Variants in CWC27 observed in about 807,000 individuals in gnomAD.
The protein encoded by CWC27 is CWC27 spliceosome associated cyclophilin.
A neutral mutation model predicts 63.6 loss-of-function variants in CWC27; 47 were observed. The observed-to-expected ratio is 0.74, with a 90% CI of 0.58 to 0.94. The LOEUF (loss-of-function observed/expected upper bound fraction) is 0.94, where lower values mean the gene tolerates loss of function less well. CWC27 is among the 40% of genes least tolerant of loss of function. The pLI is 0.00. For missense variants in CWC27, 495 were observed against 554.3 expected (o/e 0.89, Z 1.07); for synonymous variants, 175 against 179.8 (o/e 0.97, Z 0.22).
At chr5:64,909,082 G>A (rs533990976) in intron 11 of CWC27, among the ~76,000 whole-genome samples, 1 of 152,242 alleles carries the variant, frequency 6.6e-6, no homozygotes, top group African/African-American at 2.4e-5. Flanking sequence ...AGGCCTGGTG[G>A]TGACAAAATC....
intron 10 of CWC27, among the ~76,000 whole-genome samples, chr5:64,857,188 A>C (rs1346133230): frequency 6.6e-6 from 1 of 152,158 alleles, no homozygotes; most frequent in Non-Finnish European, 1.5e-5. Context: ...TTCAGTATTC[A>C]ATTTATTCAT....
intron 7 of CWC27, 150 bp from the exon 8 acceptor site, chr5:64,800,098 A>G (rs1025403197): frequency 1.5e-4 from 71 of 473,734 alleles, no homozygotes; most frequent in Non-Finnish European, 2.5e-4. Flanking sequence ...ATTCTTACTT[A>G]TAAAACTTTA....
chr5:64,834,006 G>T (rs992218471), intron 10 of CWC27, among the ~76,000 whole-genome samples: 1 of 151,148 alleles, frequency 6.6e-6, no homozygotes, highest in African/African-American at 2.4e-5. Context: ...AAAATAATAT[G>T]TATAGTATCA....
chr5:64,813,744 C>T lies in CWC27; in HGVS notation c.938+9358C>T, dbSNP rs532791433. Among the ~76,000 whole-genome samples, 27 of 152,270 alleles carry T rather than the reference C, an allele frequency of 1.8e-4. No individual in the cohort carries two copies. In the South Asian group the frequency reaches 3.5e-3, roughly 20 times the overall value. Reference sequence around the variant, plus strand: ...TTGAAAAATTGTGAAATATTCACTGCTTTCTGGCCTTTTTAGGCCATATAC... The same window carrying T: ...TTGAAAAATTGTGAAATATTCACTGTTTTCTGGCCTTTTTAGGCCATATAC... On this transcript the variant is annotated intron_variant, in intron 10 of 13. Transcript: ENST00000381070.
chr5:64,769,221 G>A, intron 1 of CWC27, 33 bp downstream of exon 1: 1 of 1,605,436 alleles, frequency 6.2e-7, no homozygotes. Flanking sequence ...TTGGGGTCCT[G>A]GGATCCCCAA....
At chr5:64,945,174 G>A (rs1228365426) in intron 11 of CWC27, among the ~76,000 whole-genome samples, 1 of 152,068 alleles carries the variant, frequency 6.6e-6, no homozygotes, top group Admixed American at 6.6e-5. Context: ...TTCTCAATGA[G>A]ACTTTCTTTG....
chr5:64,883,932 A>G (rs1296845386), intron 10 of CWC27, among the ~76,000 whole-genome samples: 2 of 152,186 alleles, frequency 1.3e-5, no homozygotes, highest in African/African-American at 4.8e-5. Context: ...AGAGCATTGT[A>G]TCCCAAACCT....
At chr5:64,952,293 T>C (rs560086350) in intron 11 of CWC27, among the ~76,000 whole-genome samples, 4 of 152,158 alleles carry the variant, frequency 2.6e-5, no homozygotes, top group Non-Finnish European at 4.4e-5. Context: ...GTTGGTTGAA[T>C]CTATGGATAC....
At chr5:64,944,994 C>T (rs1443697936) in intron 11 of CWC27, among the ~76,000 whole-genome samples, 1 of 152,152 alleles carries the variant, frequency 6.6e-6, no homozygotes, top group Non-Finnish European at 1.5e-5. Flanking sequence ...ACTTCTCTCT[C>T]ATTCATGCTG....
At chr5:64,819,864 C>T (rs762635973) in intron 10 of CWC27, among the ~76,000 whole-genome samples, 1 of 152,168 alleles carries the variant, frequency 6.6e-6, no homozygotes. Flanking sequence ...ATTGCAGCAT[C>T]ACTGCTTTCA....
At chr5:65,007,816 G>C (rs1460649436) in intron 13 of CWC27, among the ~76,000 whole-genome samples, 2 of 152,048 alleles carry the variant, frequency 1.3e-5, no homozygotes, top group Non-Finnish European at 2.9e-5. Context: ...TTTTAGTAGG[G>C]ACGGGGTTTC....
At chr5:64,816,417 G>GT (rs769618390) in intron 10 of CWC27, among the ~76,000 whole-genome samples, 17 of 152,220 alleles carry the variant, frequency 1.1e-4, no homozygotes, top group Middle Eastern at 6.8e-3. Flanking sequence ...GTTAAGTATG[G>GT]TCGTATGACC....
intron 11 of CWC27, among the ~76,000 whole-genome samples, chr5:64,939,385 T>A (rs1412640563): frequency 6.6e-6 from 1 of 152,212 alleles, no homozygotes; most frequent in Admixed American, 6.5e-5. Flanking sequence ...CTGCTGCAGG[T>A]CTGCACGAAT....
intron 11 of CWC27, among the ~76,000 whole-genome samples, chr5:64,967,721 GA>G (rs1007963021): frequency 2.0e-5 from 3 of 151,388 alleles, no homozygotes; most frequent in Non-Finnish European, 4.4e-5. Context: ...TGTCTGTATA[GA>G]AAAAAAATCT....
intron 11 of CWC27, among the ~76,000 whole-genome samples, chr5:64,900,658 T>G (rs908210379): frequency 6.6e-6 from 1 of 151,418 alleles, no homozygotes. Flanking sequence ...TTCTATGTGT[T>G]TTTTTTTTAG....
chr5:64,928,211 A>G (rs968590550), intron 11 of CWC27, among the ~76,000 whole-genome samples: 7 of 151,522 alleles, frequency 4.6e-5, no homozygotes, highest in South Asian at 2.1e-4. Context: ...CTCAGTCTGC[A>G]TATTCCCTTA....
intron 13 of CWC27, among the ~76,000 whole-genome samples, chr5:64,987,329 G>T (rs1221742052): frequency 6.6e-6 from 1 of 152,008 alleles, no homozygotes; most frequent in Non-Finnish European, 1.5e-5. Flanking sequence ...ATTTCAAGAC[G>T]AATATAGAAT....
At chr5:64,815,069 C>T (rs967043038) in intron 10 of CWC27, among the ~76,000 whole-genome samples, 9 of 152,118 alleles carry the variant, frequency 5.9e-5, no homozygotes, top group Non-Finnish European at 1.3e-4. Context: ...GATAGGAACA[C>T]TGGATATTCC....
chr5:65,006,854 C>T (rs938041885), intron 13 of CWC27, among the ~76,000 whole-genome samples: 1 of 151,840 alleles, frequency 6.6e-6, no homozygotes, highest in Non-Finnish European at 1.5e-5. Flanking sequence ...GGGCTTAATA[C>T]ATGGATGATG....
Sources: gnomAD v4.1 joint callset for allele counts (sites outside exome capture counted in the v4.1 genomes callset) on GRCh38, gnomAD v4.1.1 for gene constraint, MANE v1.5 for transcripts, NCBI Gene and HGNC (gene_info 2026-07-23, HGNC 2026-07-21) for gene names.